Variants in GSAP observed in about 807,000 individuals in gnomAD.
GSAP encodes gamma-secretase activating protein.
A neutral mutation model predicts 131.7 loss-of-function variants in GSAP; 118 were observed. That is an observed-to-expected ratio of 0.90 (90% CI 0.77 to 1.04). The LOEUF (loss-of-function observed/expected upper bound fraction) is 1.04. Among genes scored for constraint, GSAP ranks in the 50% least tolerant of loss-of-function variants. The pLI, the probability that GSAP is intolerant of heterozygous loss-of-function variation, is 0.00. For missense variants in GSAP, 1,019 were observed against 1,013.2 expected (o/e 1.01, Z -0.08); for synonymous variants, 381 against 363.4 (o/e 1.05, Z -0.55).
At chr7:77,374,279 T>A in intron 11 of GSAP, 124 bp from the exon 12 acceptor site, 2 of 564,974 alleles carry the variant, frequency 3.5e-6, no homozygotes, top group South Asian at 5.0e-5. Context: ...GAAATTTAAG[T>A]AGATAACTTT....
At chr7:77,357,524 T>G (rs955301914) in intron 14 of GSAP, among the ~76,000 whole-genome samples, 1 of 152,152 alleles carries the variant, frequency 6.6e-6, no homozygotes, top group Non-Finnish European at 1.5e-5. Context: ...AATACTAGCC[T>G]CTAGTCAGGG....
intron 8 of GSAP, chr7:77,379,850 C>G (rs954729221): frequency 1.0e-6 from 1 of 984,642 alleles, no homozygotes; most frequent in Non-Finnish European, 1.2e-6. Context: ...GACATACTTT[C>G]TCCTGGCAAT....
chr7:77,380,601 A>G (rs1043080013), intron 8 of GSAP, among the ~76,000 whole-genome samples: 19 of 152,162 alleles, frequency 1.2e-4, no homozygotes, highest in African/African-American at 4.6e-4. Flanking sequence ...AAGCTGAATG[A>G]GTAAAAAATG....
Position 77,375,080 on chromosome 7 carries a change from A to G in GSAP, c.763T>C (p.Ser255Pro), listed in dbSNP as rs780122471. ...NLMFEVPLDI[S>P]LSNSGFKLVN... ...TACTTAAATCCTGAGTTGCTTAATG[A>G]TATGTCCAAGGGTACTTCAAACTGT... The change falls in exon 11 of 31, where the codon TCA becomes CCA. Residue 255 changes from serine to proline, a missense_variant. By Grantham distance (74) the Ser-to-Pro change is moderately conservative. Coordinates refer to ENST00000257626, the MANE Select transcript of GSAP (RefSeq NM_017439.4). 3 of 1,557,828 alleles carry G rather than the reference A, an allele frequency of 1.9e-6. No individual in the cohort carries two copies. Among genetic ancestry groups the G allele is most frequent in the South Asian group, 2.3e-5 (2 of 87,592 alleles).
intron 1 of GSAP, among the ~76,000 whole-genome samples, chr7:77,413,857 G>GTTTTT (rs75886240): frequency 5.3e-5 from 8 of 150,394 alleles, no homozygotes; most frequent in Non-Finnish European, 1.0e-4. Context: ...TACTTCGGTG[G>GTTTTT]TTTTTTTCTT....
In GSAP at chr7:77,411,014, G is replaced by A. The variant is rs538824963; in HGVS notation, c.110-4909C>T. ...CATATTCTGAGTAAAATGAAGTTAA[G>A]AGAGAGATGAGAATTAGAAGAGGAG... is the stretch of plus-strand genomic sequence containing the variant. On this transcript the variant is annotated intron_variant, in intron 1 of 30. Transcript: ENST00000257626. 6.8e-5 allele frequency among the ~76,000 whole-genome samples: 10 copies of A among 146,616 alleles called. No individual in the cohort carries two copies. The East Asian group carries it at 2.0e-3, about 29-fold the overall frequency.
Position 77,397,099 on chromosome 7 carries a change from C to T in GSAP, c.314-64G>A, listed in dbSNP as rs1227485311. Reference sequence around the variant, plus strand: ...CATATGGTAGCTTGTTAAAGTTTACCAGTTTAAACCTGAAATAGATGAGGG... The same window carrying T: ...CATATGGTAGCTTGTTAAAGTTTACTAGTTTAAACCTGAAATAGATGAGGG... On this transcript the variant is annotated intron_variant, in intron 4 of 30. Coordinates refer to ENST00000257626, the MANE Select transcript of GSAP (RefSeq NM_017439.4). 2.8e-6 allele frequency: 3 copies of T among 1,074,908 alleles called. No homozygotes were observed. The South Asian group carries it at 4.1e-5, about 15-fold the overall frequency. The allele number at this position is 1,074,908 out of a possible 1,614,324, so 66.6% of individuals were successfully genotyped here. A position where few individuals can be genotyped will look rare whatever the true frequency, so the allele number is the denominator to read the frequency against.
In GSAP at chr7:77,371,133, T is replaced by C. The variant is rs550093805; in HGVS notation, c.871+2937A>G. The stretch of plus-strand genomic sequence containing the variant: ...CCCCTCTTCTAAGCTCCAGATCTTT[T>C]AGTCAACATGTCTAAAACAAAACTC... On this transcript the variant is annotated intron_variant, in intron 12 of 30. Transcript: ENST00000257626. Among the ~76,000 whole-genome samples the C allele has an allele frequency of 3.9e-5, 6 of 152,326 alleles. No homozygotes were observed. In the South Asian group the frequency reaches 1.2e-3, roughly 32 times the overall value.
chr7:77,353,053 G>T (rs773718780), intron 17 of GSAP, 27 bp from the exon 18 acceptor site: 1 of 1,272,054 alleles, frequency 7.9e-7, no homozygotes, highest in East Asian at 2.3e-5. Flanking sequence ...TGAAACAGGG[G>T]GAAAAAAGAT....
At chr7:77,403,793 C>G (rs760037450) in intron 3 of GSAP, among the ~76,000 whole-genome samples, 3 of 152,210 alleles carry the variant, frequency 2.0e-5, no homozygotes, top group Non-Finnish European at 2.9e-5. Flanking sequence ...GAGACCTCAC[C>G]TCACTTTGTG....
In GSAP at chr7:77,323,753, G is replaced by C. The variant is rs1787960101; in HGVS notation, c.1828-11C>G. 7.2e-7 allele frequency: 1 copy of C among 1,389,600 alleles called. No individual in the cohort carries two copies. Among genetic ancestry groups the C allele is most frequent in the Non-Finnish European group, 1.0e-6 (1 of 983,102 alleles). The allele number at this position is 1,389,600 out of a possible 1,614,324, so 86.1% of individuals were successfully genotyped here. On this transcript the variant is annotated splice_polypyrimidine_tract_variant and intron_variant, in intron 23 of 30. Transcript: ENST00000257626. ...TAGCTCAGACACCATCTGAAAACAGGATATGCATTAAATAAGTCACAGCCT... is the reference window on the plus strand; with the variant it reads ...TAGCTCAGACACCATCTGAAAACAGCATATGCATTAAATAAGTCACAGCCT...
intron 26 of GSAP, 51 bp downstream of exon 26, chr7:77,320,674 T>C (rs1787516234): frequency 9.5e-7 from 1 of 1,047,894 alleles, no homozygotes; most frequent in Non-Finnish European, 1.5e-6. Flanking sequence ...AGGGCCCATA[T>C]GAAGAAGAAA....
intron 12 of GSAP, among the ~76,000 whole-genome samples, chr7:77,372,445 TTTA>T (rs1434869316): frequency 6.6e-6 from 1 of 152,130 alleles, no homozygotes; most frequent in African/African-American, 2.4e-5. Context: ...GAAAATAAAG[TTTA>T]TTGATTAATG....
At chr7:77,401,017 G>C (rs1563124508) in intron 3 of GSAP, among the ~76,000 whole-genome samples, 1 of 148,086 alleles carries the variant, frequency 6.8e-6, no homozygotes, top group South Asian at 2.1e-4. Context: ...CAGTGAACTT[G>C]AAAACAATAG....
intron 19 of GSAP, among the ~76,000 whole-genome samples, chr7:77,338,014 A>C: frequency 6.6e-6 from 1 of 151,794 alleles, no homozygotes; most frequent in East Asian, 1.9e-4. Context: ...AACAAACAAA[A>C]ATTAGCCAGG....
chr7:77,315,664 A>T (rs1306007131), intron 26 of GSAP: 1 of 152,232 alleles, frequency 6.6e-6, no homozygotes, highest in African/African-American at 2.4e-5. Flanking sequence ...TTTCAACCAT[A>T]ATGTCACTGT....
intron 6 of GSAP, among the ~76,000 whole-genome samples, chr7:77,383,806 C>T (rs2151050219): frequency 6.6e-6 from 1 of 152,292 alleles, no homozygotes; most frequent in Non-Finnish European, 1.5e-5. Flanking sequence ...TATAAAAGGG[C>T]ACAACTTTTA....
intron 3 of GSAP, among the ~76,000 whole-genome samples, chr7:77,397,699 G>T (rs1191224343): frequency 1.3e-5 from 2 of 152,184 alleles, no homozygotes; most frequent in Admixed American, 6.5e-5. Context: ...TTCAAACCCT[G>T]ACTCTATCAC....
intron 19 of GSAP, among the ~76,000 whole-genome samples, chr7:77,337,305 G>T (rs1179662364): frequency 3.5e-5 from 5 of 143,922 alleles, no homozygotes; most frequent in African/African-American, 1.3e-4. Context: ...GTGGGGTGGG[G>T]GGGGGGTTAC....
Sources: allele counts gnomAD v4.1 joint callset (sites outside exome capture counted in the v4.1 genomes callset), GRCh38; gene constraint gnomAD v4.1.1; transcripts MANE v1.5; gene names NCBI Gene and HGNC (gene_info 2026-07-23, HGNC 2026-07-21).